UBE2G2: variants seen among roughly 807,000 people sequenced by gnomAD.
UBE2G2 encodes ubiquitin-conjugating enzyme E2 G2.
UBE2G2 carries 10 observed loss-of-function variants against 23.0 expected under a neutral mutation model. That is an observed-to-expected ratio of 0.43 (90% CI 0.27 to 0.74). The LOEUF (loss-of-function observed/expected upper bound fraction) is 0.74. Among genes scored for constraint, UBE2G2 ranks in the 30% least tolerant of loss-of-function variants. UBE2G2 has a pLI of 0.19. For synonymous variants in UBE2G2, 86 were observed against 81.3 expected, an observed-to-expected ratio of 1.06 and a Z score of -0.31; for missense variants, 150 against 218.3, an observed-to-expected ratio of 0.69 and a Z score of 1.97.
intron 3 of UBE2G2, 42 bp downstream of exon 3, chr21:44,787,878 C>T (rs2083008616): frequency 1.9e-6 from 3 of 1,604,552 alleles, no homozygotes; most frequent in Non-Finnish European, 2.6e-6. Context: ...CATCTGACTT[C>T]CAGCAAAGCC....
intron 3 of UBE2G2, 78 bp downstream of exon 3, chr21:44,787,842 C>T (rs2083008202): frequency 2.0e-6 from 3 of 1,510,426 alleles, no homozygotes; most frequent in Non-Finnish European, 1.8e-6. Context: ...CTTTTGGACA[C>T]AGTCACACTG....
chr21:44,792,238 C>T (rs1476025521), intron 1 of UBE2G2, among the ~76,000 whole-genome samples: 2 of 152,060 alleles, frequency 1.3e-5, no homozygotes, highest in Admixed American at 6.5e-5. Flanking sequence ...GGGGGCCTTG[C>T]TGGGAAGGCA....
intron 4 of UBE2G2, chr21:44,774,448 A>G (rs2146383812): frequency 4.3e-6 from 1 of 232,150 alleles, no homozygotes. Flanking sequence ...GTAAAATTAT[A>G]AAGCCATTAA....
Position 44,780,222 on chromosome 21 carries a change from T to C in UBE2G2, c.126-2805A>G, listed in dbSNP as rs2082945573. Reference sequence around the variant, plus strand: ...TTACTACTGGTTTGAAACTGGGATTTCTTTCTCTTTTCTAGAACGCCTGGC... The same window carrying C: ...TTACTACTGGTTTGAAACTGGGATTCCTTTCTCTTTTCTAGAACGCCTGGC... On this transcript the variant is annotated intron_variant, in intron 3 of 5. Transcript: ENST00000345496. Among the ~76,000 whole-genome samples the C allele has an allele frequency of 6.6e-5, 10 of 152,344 alleles. No individual in the cohort carries two copies. The South Asian group carries it at 2.1e-3, about 32-fold the overall frequency.
At chr21:44,784,745 C>T (rs1299703710) in intron 3 of UBE2G2, among the ~76,000 whole-genome samples, 2 of 152,160 alleles carry the variant, frequency 1.3e-5, no homozygotes, top group Non-Finnish European at 2.9e-5. Context: ...GAGCATCCAT[C>T]CACCAACTGG....
At chr21:44,787,390 G>C (rs2146396803) in intron 3 of UBE2G2, among the ~76,000 whole-genome samples, 1 of 152,258 alleles carries the variant, frequency 6.6e-6, no homozygotes, top group South Asian at 2.1e-4. Context: ...AAGAACACAA[G>C]GCCAACAAGT....
chr21:44,791,832 C>T (rs1431367934), intron 1 of UBE2G2, among the ~76,000 whole-genome samples: 1 of 152,136 alleles, frequency 6.6e-6, no homozygotes, highest in Non-Finnish European at 1.5e-5. Flanking sequence ...ACACTCAATG[C>T]CCACCATGAA....
intron 1 of UBE2G2, chr21:44,800,108 TA>T (rs1220269134): frequency 2.0e-5 from 3 of 152,174 alleles, no homozygotes; most frequent in African/African-American, 7.2e-5. Context: ...AGTAATAGAT[TA>T]AAATGTAAGA....
At position 44,772,987 on chromosome 21, in the gene UBE2G2, C is replaced by T. The variant is rs1392717981; in HGVS notation, c.385+560G>A. ...CAAAATGAGCTGGCAGTGCCCCCAT[C>T]AAGTCAGCCACCTCCTGCCTCTGGG... On this transcript the variant is annotated intron_variant, in intron 5 of 5. Transcript: ENST00000345496. This position sits in a 1 kb window ranked among gnomAD's most constrained non-coding sequence, Gnocchi z 5.4. Among the ~76,000 whole-genome samples, 1 of 152,212 alleles carries T rather than the reference C, an allele frequency of 6.6e-6. No homozygotes were observed. The highest frequency in any genetic ancestry group is 2.4e-5 in the African/African-American group (1 of 41,446).
At chr21:44,777,490 T>G in intron 3 of UBE2G2, 73 bp from the exon 4 acceptor site, 32 of 1,464,728 alleles carry the variant, frequency 2.2e-5, no homozygotes, top group Non-Finnish European at 3.1e-5. Context: ...GACAAATGGG[T>G]TAAGAACATT....
intron 4 of UBE2G2, chr21:44,774,397 T>C (rs2082898064): frequency 1.2e-5 from 2 of 170,294 alleles, no homozygotes; most frequent in Admixed American, 1.3e-4. Context: ...TGGCTCCATA[T>C]ATACTCAGAT....
chr21:44,798,838 T>C (rs781946719), intron 1 of UBE2G2, among the ~76,000 whole-genome samples: 16 of 152,226 alleles, frequency 1.1e-4, no homozygotes, highest in Non-Finnish European at 2.1e-4. Flanking sequence ...TCTAGAATGA[T>C]AAATCCTTTC....
chr21:44,801,403 CAAGAA>C, intron 1 of UBE2G2: 3 of 1,202,434 alleles, frequency 2.5e-6, no homozygotes, highest in African/African-American at 1.6e-5. Context: ...TCAAGGCTGC[CAAGAA>C]AAGAAAAAAT....
intron 3 of UBE2G2, among the ~76,000 whole-genome samples, chr21:44,780,825 C>T (rs1555961236): frequency 6.6e-6 from 1 of 152,242 alleles, no homozygotes; most frequent in Non-Finnish European, 1.5e-5. Flanking sequence ...TCAGCCTCTT[C>T]TGTCTTTCCA....
rs138066429 is a variant in UBE2G2, at chr21:44,782,910, G to GA, written c.125+5009dup. On this transcript the variant is annotated intron_variant, in intron 3 of 5. Coordinates refer to ENST00000345496, the MANE Select transcript of UBE2G2 (RefSeq NM_003343.6). ...AACACCAAAAGCATGCTCTATATAAGAAAAAAAATGCAAAATCACACTTCA... is the reference window on the plus strand; with the variant it reads ...AACACCAAAAGCATGCTCTATATAAGAAAAAAAAATGCAAAATCACACTTCA... Among the ~76,000 whole-genome samples the GA allele has an allele frequency of 1.1e-4, 16 of 151,518 alleles. No individual in the cohort carries two copies. The South Asian group carries it at 1.2e-3, about 12-fold the overall frequency.
chr21:44,775,830 T>C (rs566497845), intron 4 of UBE2G2, among the ~76,000 whole-genome samples: 7 of 152,376 alleles, frequency 4.6e-5, no homozygotes, highest in African/African-American at 1.4e-4. Flanking sequence ...CTTTTTATTA[T>C]GGAGAATTCC....
In UBE2G2 at chr21:44,788,203, A is replaced by C. The variant is rs76831341; in HGVS notation, c.44-108T>G. On this transcript the variant is annotated intron_variant, in intron 1 of 5. Coordinates refer to ENST00000345496, the MANE Select transcript of UBE2G2 (RefSeq NM_003343.6). ...TAAGCCTATAAACCATAGAATATGC[A>C]TATTAACAAGTGAAAATTCTGTTTG... is the stretch of plus-strand genomic sequence containing the variant. The C allele has an allele frequency of 4.8e-3, 5,032 of 1,055,732 alleles. 179 individuals are homozygous for C. The African/African-American group carries it at 0.074, about 15-fold the overall frequency. The allele number at this position is 1,055,732 out of a possible 1,614,324, so 65.4% of individuals were successfully genotyped here. A position where few individuals can be genotyped will look rare whatever the true frequency, so the allele number is the denominator to read the frequency against.
chr21:44,783,188 G>A (rs1555961520), intron 3 of UBE2G2, among the ~76,000 whole-genome samples: 1 of 152,142 alleles, frequency 6.6e-6, no homozygotes, highest in African/African-American at 2.4e-5. Context: ...ATCATTAGTC[G>A]TCAAGGAAAT....
Position 44,774,447 on chromosome 21 carries a change from T to C in UBE2G2, c.245-760A>G, listed in dbSNP as rs371160412. ...CTAGATAGACTCAACTGTAAAATTA[T>C]AAAGCCATTAAAGTTATAATAATAG... On this transcript the variant is annotated intron_variant, in intron 4 of 5. Transcript: ENST00000345496. The C allele has an allele frequency of 1.5e-4, 35 of 232,630 alleles. 1 individual carries two copies. In the South Asian group the frequency reaches 1.5e-3, roughly 10 times the overall value. The allele number at this position is 232,630 out of a possible 1,614,324, so 14.4% of individuals were successfully genotyped here. A position where few individuals can be genotyped will look rare whatever the true frequency, so the allele number is the denominator to read the frequency against.
Sources: allele counts gnomAD v4.1 joint callset (sites outside exome capture counted in the v4.1 genomes callset), GRCh38; gene constraint gnomAD v4.1.1; non-coding constraint Gnocchi (gnomAD v3.1); transcripts MANE v1.5; gene names NCBI Gene and HGNC (gene_info 2026-07-23, HGNC 2026-07-21).